Variants in SFXN5 observed in about 807,000 individuals in gnomAD.
SFXN5 encodes sideroflexin-5.
Under a neutral mutation model 50.2 loss-of-function variants are expected in SFXN5, and 43 were observed. The ratio of observed to expected loss-of-function variants is 0.86; its 90% CI spans 0.67 to 1.11. The LOEUF is 1.11. SFXN5 is among the 50% of genes least tolerant of loss of function. The probability of loss-of-function intolerance (pLI) is 0.00; values close to 1 mark genes in which losing one functional copy is unlikely to be tolerated. For synonymous variants in SFXN5, 203 were observed against 185.8 expected, an observed-to-expected ratio of 1.09 and a Z score of -0.75; for missense variants, 463 against 454.1, an observed-to-expected ratio of 1.02 and a Z score of -0.18.
chr2:72,983,212 G>A (rs564683474), intron 10 of SFXN5, among the ~76,000 whole-genome samples: 2 of 152,324 alleles, frequency 1.3e-5, no homozygotes, highest in South Asian at 4.1e-4. Flanking sequence ...TGGCCTTGGG[G>A]AGAAGGGGGC....
At chr2:73,034,061 T>C (rs1295432554) in intron 3 of SFXN5, among the ~76,000 whole-genome samples, 1 of 152,174 alleles carries the variant, frequency 6.6e-6, no homozygotes, top group Non-Finnish European at 1.5e-5. Context: ...CTGTGTGCTG[T>C]ATCAGCAATG....
At chr2:73,021,777 G>A (rs1158233980) in intron 5 of SFXN5, among the ~76,000 whole-genome samples, 1 of 152,212 alleles carries the variant, frequency 6.6e-6, no homozygotes, top group Non-Finnish European at 1.5e-5. Flanking sequence ...ATTGCACTGA[G>A]AAATGGCAAG....
intron 2 of SFXN5, chr2:73,041,618 A>T: frequency 4.7e-6 from 2 of 427,918 alleles, no homozygotes; most frequent in Middle Eastern, 3.5e-4. Flanking sequence ...TGAACCCAGG[A>T]GGCAGGGGTT....
chr2:73,057,263 C>T (rs1339001288), intron 2 of SFXN5, among the ~76,000 whole-genome samples: 2 of 152,144 alleles, frequency 1.3e-5, no homozygotes, highest in Admixed American at 6.5e-5. Flanking sequence ...CTGAGCCTCT[C>T]GAGTAGCTGG....
chr2:72,970,710 C>T (rs1405726222), intron 11 of SFXN5, among the ~76,000 whole-genome samples: 2 of 150,954 alleles, frequency 1.3e-5, no homozygotes, highest in Non-Finnish European at 3.0e-5. Flanking sequence ...TTTTTTGAGA[C>T]GGAGTTTCGC....
intron 10 of SFXN5, among the ~76,000 whole-genome samples, chr2:72,974,259 G>C (rs1374699654): frequency 6.6e-6 from 1 of 152,132 alleles, no homozygotes; most frequent in Non-Finnish European, 1.5e-5. Context: ...AAACAGAAGA[G>C]AGAGTGTGGA....
intron 6 of SFXN5, among the ~76,000 whole-genome samples, chr2:73,010,637 C>G (rs576967433): frequency 6.6e-6 from 1 of 152,254 alleles, no homozygotes; most frequent in South Asian, 2.1e-4. Flanking sequence ...TACCATGCTA[C>G]AAAGAAAACC....
rs1679560146 is a variant in SFXN5 at position 73,041,010 on chromosome 2, G to A, written c.172-79C>T. 95 of 1,184,566 alleles carry A rather than the reference G, an allele frequency of 8.0e-5. 2 individuals are homozygous for A. In the South Asian group the frequency reaches 1.1e-3, roughly 14 times the overall value. 73.4% of individuals were successfully genotyped at this position (1,184,566 alleles called of 1,614,324 possible). A position where few individuals can be genotyped will look rare whatever the true frequency, so the allele number is the denominator to read the frequency against. ...ATTTTTCTTTTGTGGGATTACATCAGTATCAAATACTGCCAGTGCAAGGCT... is the reference window on the plus strand; with the variant it reads ...ATTTTTCTTTTGTGGGATTACATCAATATCAAATACTGCCAGTGCAAGGCT... On this transcript the variant is annotated intron_variant, in intron 2 of 13. Coordinates refer to ENST00000272433, the MANE Select transcript of SFXN5 (RefSeq NM_144579.3).
intron 8 of SFXN5, 97 bp from the exon 9 acceptor site, chr2:72,999,111 A>G (rs768729406): frequency 4.5e-6 from 6 of 1,324,886 alleles, no homozygotes; most frequent in Non-Finnish European, 6.4e-6. Flanking sequence ...CATCCTGCCC[A>G]CCAGCCTGGA....
intron 10 of SFXN5, among the ~76,000 whole-genome samples, chr2:72,980,687 T>C (rs915457264): frequency 6.6e-6 from 1 of 152,190 alleles, no homozygotes; most frequent in Non-Finnish European, 1.5e-5. Context: ...ACATCCATCT[T>C]TTTAAAAAGC....
Position 72,956,006 on chromosome 2 carries a change from C to T in SFXN5, c.945+5125G>A, listed in dbSNP as rs114552198. 2.0e-3 allele frequency among the ~76,000 whole-genome samples: 307 copies of T among 152,348 alleles called. 2 individuals are homozygous for T. The highest frequency in any genetic ancestry group is 7.0e-3 in the African/African-American group (290 of 41,574). ...TCTTGTTTATTGAGTTTTGTCTCCA[C>T]CACCAGCGGGGAGATTCACTGAGAC... On this transcript the variant is annotated intron_variant, in intron 13 of 13. Coordinates refer to ENST00000272433, the MANE Select transcript of SFXN5 (RefSeq NM_144579.3).
At chr2:73,066,323 C>T (rs1200561254) in intron 1 of SFXN5, among the ~76,000 whole-genome samples, 1 of 152,034 alleles carries the variant, frequency 6.6e-6, no homozygotes, top group Non-Finnish European at 1.5e-5. Context: ...TTTGGGAGGC[C>T]GAGGCGGGTG....
chr2:72,993,023 A>G (rs1672790074), intron 9 of SFXN5, among the ~76,000 whole-genome samples: 1 of 152,208 alleles, frequency 6.6e-6, no homozygotes, highest in East Asian at 1.9e-4. Context: ...AAGGATCAGA[A>G]GCATGAAATA....
chr2:73,048,460 C>A (rs563816337), intron 2 of SFXN5, among the ~76,000 whole-genome samples: 6 of 152,220 alleles, frequency 3.9e-5, no homozygotes, highest in Non-Finnish European at 5.9e-5. Context: ...AGGTGATCCA[C>A]CTGCCTCAGC....
rs1230411482 is a variant in SFXN5 at position 73,022,450 on chromosome 2, G to C, written c.331+72C>G. The C allele has an allele frequency of 1.1e-5, 13 of 1,178,138 alleles. No individual in the cohort carries two copies. In the Admixed American group the frequency reaches 2.0e-4, roughly 18 times the overall value. The allele number at this position is 1,178,138 out of a possible 1,614,324, so 73.0% of individuals were successfully genotyped here. ...GTCCCCTCCTTAGGCCAGCACATCT[G>C]GATGCTCCTGGAACTGTGACTGGAG... On this transcript the variant is annotated intron_variant, in intron 5 of 13. Transcript: ENST00000272433.
At chr2:73,028,148 GTAAGTGCACTCTA>G in intron 3 of SFXN5, among the ~76,000 whole-genome samples, 1 of 152,318 alleles carries the variant, frequency 6.6e-6, no homozygotes, top group East Asian at 1.9e-4. Context: ...CTAGGTTTGT[GTAAGTGCACTCTA>G]TGATGTTCCC....
chr2:73,004,305 G>C (rs924775808), intron 6 of SFXN5, among the ~76,000 whole-genome samples: 1 of 133,448 alleles, frequency 7.5e-6, no homozygotes, highest in African/African-American at 3.3e-5. Flanking sequence ...GGAGAGGAAT[G>C]AGTGCGCGCG....
At chr2:73,067,566 T>TA (rs761353206) in intron 1 of SFXN5, among the ~76,000 whole-genome samples, 1 of 152,254 alleles carries the variant, frequency 6.6e-6, no homozygotes, top group Non-Finnish European at 1.5e-5. Context: ...TATTCCAAAA[T>TA]AAAAAAATTT....
intron 2 of SFXN5, among the ~76,000 whole-genome samples, chr2:73,047,298 A>ATATATATATACAC (rs1394689911): frequency 1.0e-5 from 1 of 99,646 alleles, no homozygotes; most frequent in Admixed American, 1.2e-4. Context: ...ATATATATAT[A>ATATATATATACAC]AAATATATAT....
Sources: allele counts gnomAD v4.1 joint callset (sites outside exome capture counted in the v4.1 genomes callset), GRCh38; gene constraint gnomAD v4.1.1; transcripts MANE v1.5; gene names NCBI Gene and HGNC (gene_info 2026-07-23, HGNC 2026-07-21).